Variants in MAN1A1 observed in about 807,000 individuals in gnomAD.
The protein encoded by MAN1A1 is mannosyl-oligosaccharide 1,2-alpha-mannosidase IA.
Under a neutral mutation model 70.8 loss-of-function variants are expected in MAN1A1, and 29 were observed. The ratio of observed to expected loss-of-function variants is 0.41; its 90% confidence interval spans 0.31 to 0.56. The LOEUF (loss-of-function observed/expected upper bound fraction) is 0.56, where lower values mean the gene tolerates loss of function less well. MAN1A1 is among the 20% of genes least tolerant of loss of function. The pLI is 0.29. For missense variants in MAN1A1, 747 were observed against 841.3 expected, an observed-to-expected ratio of 0.89 and a Z score of 1.39; for synonymous variants, 349 against 330.1, an observed-to-expected ratio of 1.06 and a Z score of -0.62.
chr6:119,258,393 C>T (rs762667256), intron 5 of MAN1A1, among the ~76,000 whole-genome samples: 1 of 152,130 alleles, frequency 6.6e-6, no homozygotes, highest in Non-Finnish European at 1.5e-5. Flanking sequence ...GTACTGAACA[C>T]GTATAGACTT....
intron 3 of MAN1A1, 84 bp from the exon 4 acceptor site, chr6:119,302,187 G>T: frequency 1.6e-6 from 1 of 638,672 alleles, no homozygotes; most frequent in Non-Finnish European, 2.8e-6. Context: ...AAAGGGAGAG[G>T]GTAATGCTGG....
chr6:119,245,782 C>T (rs1020292879), intron 6 of MAN1A1, among the ~76,000 whole-genome samples: 1 of 152,162 alleles, frequency 6.6e-6, no homozygotes, highest in African/African-American at 2.4e-5. Context: ...AACTTCAAAA[C>T]ATCAGTGAAT....
chr6:119,183,151 A>C (rs180708079), intron 11 of MAN1A1, among the ~76,000 whole-genome samples: 60 of 152,350 alleles, frequency 3.9e-4, no homozygotes, highest in African/African-American at 1.4e-3. Context: ...GGAGGACAGA[A>C]GGGAGAGAGC....
intron 6 of MAN1A1, among the ~76,000 whole-genome samples, chr6:119,239,610 T>TCA (rs533166221): frequency 2.2e-4 from 34 of 152,346 alleles, no homozygotes; most frequent in African/African-American, 7.9e-4. Context: ...ATAAAGTGCC[T>TCA]TGATACCTGC....
chr6:119,307,420 A>G (rs989741507), intron 2 of MAN1A1, among the ~76,000 whole-genome samples: 12 of 152,208 alleles, frequency 7.9e-5, no homozygotes, highest in Non-Finnish European at 1.5e-5. Flanking sequence ...CTCACAGCAT[A>G]CAGACAAATA....
At chr6:119,243,288 T>C (rs1775061997) in intron 6 of MAN1A1, among the ~76,000 whole-genome samples, 7 of 152,070 alleles carry the variant, frequency 4.6e-5, no homozygotes, top group African/African-American at 1.4e-4. Flanking sequence ...ATTTCTATTA[T>C]ATTAAAGTAT....
intron 5 of MAN1A1, among the ~76,000 whole-genome samples, chr6:119,264,130 A>C (rs1775685537): frequency 1.3e-5 from 2 of 152,230 alleles, no homozygotes; most frequent in South Asian, 4.1e-4. Flanking sequence ...TGTGGTCCTC[A>C]AGACAGGCAG....
intron 5 of MAN1A1, among the ~76,000 whole-genome samples, chr6:119,289,180 T>G (rs779573406): frequency 1.3e-4 from 19 of 151,880 alleles, no homozygotes; most frequent in Admixed American, 2.6e-4. Context: ...ATATTTAGAA[T>G]AGATACATAT....
rs141593653 is a variant in MAN1A1, at chr6:119,204,021, A to G, written c.1116+738T>C. 1.6e-3 allele frequency among the ~76,000 whole-genome samples: 238 copies of G among 152,312 alleles called. 1 individual carries two copies. The highest frequency in any genetic ancestry group is 5.6e-3 in the African/African-American group (234 of 41,560). On this transcript the variant is annotated intron_variant, in intron 7 of 12. Transcript: ENST00000368468. ...AGGGTGGGGTGTTGAGGAGGACACA[A>G]AAAAGACAGAAGGAGCATCCAGCAA...
chr6:119,290,400 A>C (rs1776502011), intron 5 of MAN1A1, among the ~76,000 whole-genome samples: 1 of 152,046 alleles, frequency 6.6e-6, no homozygotes, highest in Admixed American at 6.6e-5. Context: ...ATTTGTCCAT[A>C]GGCACATATA....
chr6:119,191,101 T>G (rs182065672), intron 9 of MAN1A1, among the ~76,000 whole-genome samples: 7 of 152,316 alleles, frequency 4.6e-5, no homozygotes, highest in Non-Finnish European at 8.8e-5. Flanking sequence ...ACCAAGATGG[T>G]AAGAAATAAA....
intron 6 of MAN1A1, among the ~76,000 whole-genome samples, chr6:119,234,983 A>G (rs1774801256): frequency 6.6e-6 from 1 of 152,162 alleles, no homozygotes; most frequent in Non-Finnish European, 1.5e-5. Flanking sequence ...ATCAGATGGT[A>G]CAATTCTAAG....
intron 11 of MAN1A1, among the ~76,000 whole-genome samples, chr6:119,182,664 C>T (rs1020177969): frequency 1.3e-5 from 2 of 151,976 alleles, no homozygotes; most frequent in African/African-American, 2.4e-5. Flanking sequence ...AAATTTCCAT[C>T]GTACAAAAAT....
upstream of MAN1A1, chr6:119,349,800 A>T (rs1015909618): frequency 8.9e-5 from 86 of 969,822 alleles, 1 homozygote; most frequent in African/African-American, 1.2e-3. Context: ...AAAGCGAGGG[A>T]GGCGACGCGG....
chr6:119,258,742 A>G (rs1356663370), intron 5 of MAN1A1, among the ~76,000 whole-genome samples: 2 of 152,220 alleles, frequency 1.3e-5, no homozygotes, highest in Non-Finnish European at 2.9e-5. Context: ...TTAATAATTT[A>G]TATAAGTTTT....
intron 2 of MAN1A1, among the ~76,000 whole-genome samples, chr6:119,345,049 C>G (rs1773690029): frequency 6.6e-6 from 1 of 151,964 alleles, no homozygotes; most frequent in Non-Finnish European, 1.5e-5. Context: ...CTCTGACAAC[C>G]TGACTGTCTT....
intron 6 of MAN1A1, among the ~76,000 whole-genome samples, chr6:119,218,061 A>G (rs950356156): frequency 5.6e-4 from 86 of 152,312 alleles, no homozygotes; most frequent in Admixed American, 3.7e-3. Flanking sequence ...AAATTCTACA[A>G]TCATGCCACA....
At chr6:119,289,237 A>G (rs1776466096) in intron 5 of MAN1A1, among the ~76,000 whole-genome samples, 1 of 151,866 alleles carries the variant, frequency 6.6e-6, no homozygotes, top group East Asian at 1.9e-4. Flanking sequence ...CCCAGACACA[A>G]AAGGATGCAA....
At chr6:119,181,515 G>A (rs1297438712) in intron 11 of MAN1A1, among the ~76,000 whole-genome samples, 2 of 151,108 alleles carry the variant, frequency 1.3e-5, no homozygotes, top group East Asian at 3.9e-4. Flanking sequence ...ACTCTCTAGA[G>A]AGAAATGATC....
Sources: allele counts gnomAD v4.1 joint callset (sites outside exome capture counted in the v4.1 genomes callset), GRCh38; gene constraint gnomAD v4.1.1; transcripts MANE v1.5; gene names NCBI Gene and HGNC (gene_info 2026-07-23, HGNC 2026-07-21).